Variants in SOS1 observed in about 807,000 individuals in gnomAD.
The protein encoded by SOS1 is son of sevenless homolog 1.
SOS1 carries 25 observed loss-of-function variants against 157.6 expected under a neutral mutation model. The observed-to-expected ratio is 0.16, with a 90% CI of 0.12 to 0.22. The LOEUF (loss-of-function observed/expected upper bound fraction) is 0.22, where lower values mean the gene tolerates loss of function less well. SOS1 is among the 10% of genes least tolerant of loss of function. The pLI, the probability that SOS1 is intolerant of heterozygous loss-of-function variation, is 1.00. For missense variants in SOS1, 1,237 were observed against 1,599.1 expected, an observed-to-expected ratio of 0.77 and a Z score of 3.86; for synonymous variants, 528 against 534.0, an observed-to-expected ratio of 0.99 and a Z score of 0.16.
chr2:39,067,727 G>C lies in SOS1; in HGVS notation c.114C>G (p.Leu38=), dbSNP rs1039971130. The C allele has an allele frequency of 1.2e-6, 2 of 1,612,256 alleles. No individual in the cohort carries two copies. Among genetic ancestry groups the C allele is most frequent in the Non-Finnish European group, 1.7e-6 (2 of 1,178,370 alleles). The change falls in exon 2 of 23, where the codon CTC becomes CTG. Residue 38 remains leucine, a synonymous_variant. Coordinates refer to ENST00000402219, the MANE Select transcript of SOS1 (RefSeq NM_005633.4). ...KKVQGQVHPT[L]ESNDDALQYV... ...ACTGAAGAGCATCATCATTAGACTCGAGAGTAGGATGAACTTGCCCCTGGA... is the reference window on the plus strand; with the variant it reads ...ACTGAAGAGCATCATCATTAGACTCCAGAGTAGGATGAACTTGCCCCTGGA...
At chr2:39,110,392 C>T (rs1432688113) in intron 1 of SOS1, among the ~76,000 whole-genome samples, 1 of 151,712 alleles carries the variant, frequency 6.6e-6, no homozygotes, top group Non-Finnish European at 1.5e-5. Context: ...TGTTTGAATG[C>T]ACAGATGCAG....
intron 1 of SOS1, among the ~76,000 whole-genome samples, chr2:39,086,598 A>G (rs1012707114): frequency 6.6e-6 from 1 of 152,264 alleles, no homozygotes; most frequent in African/African-American, 2.4e-5. Context: ...TCACTATAAA[A>G]TAAAAATGCC....
intron 1 of SOS1, among the ~76,000 whole-genome samples, chr2:39,095,386 A>G (rs1163587367): frequency 1.3e-5 from 2 of 152,222 alleles, no homozygotes; most frequent in African/African-American, 4.8e-5. Context: ...AGGAAGACAC[A>G]CTATGATTAA....
At position 39,067,670 on chromosome 2, in the gene SOS1, A is replaced by T; in HGVS notation, c.171T>A (p.Asn57Lys). 1 of 1,613,124 alleles carries T rather than the reference A, an allele frequency of 6.2e-7. No homozygotes were observed. Among genetic ancestry groups the T allele is most frequent in the Non-Finnish European group, 8.5e-7 (1 of 1,179,068 alleles). ...YVEELILQLLNMLCQAQPRSA... is the reference protein window; with the variant it reads ...YVEELILQLLKMLCQAQPRSA... ...TTCGGGGCTGAGCTTGGCATAGCAT[A>T]TTTAATAATTGCAAAATTAATTCTT... The change falls in exon 2 of 23, where the codon AAT becomes AAA. Residue 57 changes from asparagine (N) to lysine (K), a missense_variant. Coordinates refer to ENST00000402219, the MANE Select transcript of SOS1 (RefSeq NM_005633.4).
intron 6 of SOS1, among the ~76,000 whole-genome samples, chr2:39,038,038 G>T (rs1385627124): frequency 6.6e-6 from 1 of 152,144 alleles, no homozygotes. Flanking sequence ...CCATTCTGCA[G>T]CCCATGGATC....
In SOS1 at chr2:39,031,987, A is replaced by T. The variant is rs1369656851; in HGVS notation, c.1074+3225T>A. ...GTATTTTTTCAGTGTCAGCAGCATT[A>T]AAGTCACACTATTTTTAATTTATTT... is the stretch of plus-strand genomic sequence containing the variant. On this transcript the variant is annotated intron_variant, in intron 8 of 22. Transcript: ENST00000402219. Among the ~76,000 whole-genome samples the T allele has an allele frequency of 2.6e-5, 4 of 152,210 alleles. No homozygotes were observed. The South Asian group carries it at 8.3e-4, about 32-fold the overall frequency.
intron 1 of SOS1, among the ~76,000 whole-genome samples, chr2:39,111,239 AAAT>A (rs993661528): frequency 6.6e-5 from 10 of 152,188 alleles, no homozygotes; most frequent in African/African-American, 2.4e-4. Flanking sequence ...TCTCAAAAAA[AAAT>A]AATAATAATA....
chr2:39,103,821 G>C (rs547082695), intron 1 of SOS1, among the ~76,000 whole-genome samples: 1 of 152,120 alleles, frequency 6.6e-6, no homozygotes, highest in African/African-American at 2.4e-5. Context: ...AAAAACTTTC[G>C]TTCATCAGAG....
At chr2:38,997,466 A>G (rs767240072) in intron 17 of SOS1, 41 bp from the exon 18 acceptor site, 73 of 1,391,982 alleles carry the variant, frequency 5.2e-5, no homozygotes, top group Non-Finnish European at 6.9e-5. Context: ...TAAAGAAGGA[A>G]AATGCAAGTT....
chr2:38,998,905 C>T (rs914513558), intron 17 of SOS1, among the ~76,000 whole-genome samples: 3 of 152,154 alleles, frequency 2.0e-5, no homozygotes, highest in African/African-American at 7.2e-5. Context: ...ATGAGAAAGA[C>T]CTCCAGCAGT....
At chr2:39,083,442 G>T (rs1672275614) in intron 1 of SOS1, among the ~76,000 whole-genome samples, 2 of 152,154 alleles carry the variant, frequency 1.3e-5, no homozygotes, top group Non-Finnish European at 2.9e-5. Context: ...AACGCAAACA[G>T]AATATTTTTA....
chr2:39,112,006 A>C (rs985972300), intron 1 of SOS1, among the ~76,000 whole-genome samples: 3 of 151,048 alleles, frequency 2.0e-5, no homozygotes, highest in African/African-American at 7.3e-5. Flanking sequence ...GAATCTTAAA[A>C]CTCCAAAATA....
At chr2:39,027,395 C>T (rs1198091756) in intron 8 of SOS1, among the ~76,000 whole-genome samples, 2 of 152,172 alleles carry the variant, frequency 1.3e-5, no homozygotes, top group African/African-American at 4.8e-5. Flanking sequence ...ATAAAACTTT[C>T]CTGATGAAAT....
chr2:39,018,190 TA>T (rs1344118346), intron 10 of SOS1, among the ~76,000 whole-genome samples: 11 of 152,014 alleles, frequency 7.2e-5, no homozygotes, highest in African/African-American at 2.4e-4. Flanking sequence ...AAATTAAAAA[TA>T]GCCCATTTTT....
intron 1 of SOS1, among the ~76,000 whole-genome samples, chr2:39,076,746 T>TA (rs1210533520): frequency 6.6e-6 from 1 of 152,140 alleles, no homozygotes; most frequent in Non-Finnish European, 1.5e-5. Context: ...CAAGGATACC[T>TA]ACTATCACAA....
chr2:39,069,029 C>T (rs1261442365), intron 1 of SOS1, among the ~76,000 whole-genome samples: 1 of 151,850 alleles, frequency 6.6e-6, no homozygotes, highest in South Asian at 2.1e-4. Flanking sequence ...GTGACAGCCT[C>T]AGTGTACAGG....
chr2:39,054,626 C>T lies in SOS1; in HGVS notation c.708G>A (p.Leu236=), dbSNP rs1195304448. ...CAATGATACTTACATTAGCTGAAAACAATTTTGAATTGGAGACAAAGGGCT... is the reference window on the plus strand; with the variant it reads ...CAATGATACTTACATTAGCTGAAAATAATTTTGAATTGGAGACAAAGGGCT... ...FREPFVSNSK[L]FSANDVENIF... Residue 236 remains leucine (L), a synonymous_variant, in exon 5 of 23, where the codon TTG becomes TTA. Transcript: ENST00000402219. The T allele has an allele frequency of 1.3e-6, 2 of 1,562,014 alleles. No individual in the cohort carries two copies. Among genetic ancestry groups the T allele is most frequent in the Admixed American group, 1.7e-5 (1 of 59,912 alleles).
chr2:39,095,904 C>T (rs1672751451), intron 1 of SOS1, among the ~76,000 whole-genome samples: 1 of 152,186 alleles, frequency 6.6e-6, no homozygotes, highest in Non-Finnish European at 1.5e-5. Context: ...GTCAACGGTG[C>T]TTTCAATCTC....
At chr2:39,080,263 A>G (rs1295163233) in intron 1 of SOS1, among the ~76,000 whole-genome samples, 1 of 152,050 alleles carries the variant, frequency 6.6e-6, no homozygotes, top group Non-Finnish European at 1.5e-5. Context: ...CCTCACATGC[A>G]CAGTTCACAA....
Sources: gnomAD v4.1 joint callset for allele counts (sites outside exome capture counted in the v4.1 genomes callset) on GRCh38, gnomAD v4.1.1 for gene constraint, MANE v1.5 for transcripts, NCBI Gene and HGNC (gene_info 2026-07-23, HGNC 2026-07-21) for gene names.